CTNNA3: variants seen among roughly 807,000 people sequenced by gnomAD.
The protein encoded by CTNNA3 is catenin alpha 3.
A neutral mutation model predicts 95.7 loss-of-function variants in CTNNA3; 76 were observed. The observed-to-expected ratio is 0.79, with a 90% CI of 0.66 to 0.96. The LOEUF is 0.96. Ranked by LOEUF, CTNNA3 falls within the 40% of genes least tolerant of loss-of-function variation. The pLI, the probability that CTNNA3 is intolerant of heterozygous loss-of-function variation, is 0.00. For synonymous variants in CTNNA3, 431 were observed against 374.4 expected (o/e 1.15, Z -1.74); for missense variants, 1,191 against 1,089.8 (o/e 1.09, Z -1.31).
chr10:67,620,941 A>G (rs1312156150), intron 2 of CTNNA3, among the ~76,000 whole-genome samples: 1 of 147,740 alleles, frequency 6.8e-6, no homozygotes. Context: ...ATATATATAT[A>G]TATATATATA....
At chr10:67,667,327 A>AGT (rs1840349484) in intron 1 of CTNNA3, among the ~76,000 whole-genome samples, 1 of 152,190 alleles carries the variant, frequency 6.6e-6, no homozygotes, top group African/African-American at 2.4e-5. Context: ...TTCTAAAAAT[A>AGT]AAAATTTTAC....
At chr10:65,929,882 T>C (rs1462915501) in intron 17 of CTNNA3, among the ~76,000 whole-genome samples, 2 of 152,080 alleles carry the variant, frequency 1.3e-5, no homozygotes, top group Non-Finnish European at 2.9e-5. Context: ...ATAGCTTTTA[T>C]AAGTTTATAA....
At chr10:66,028,729 A>T (rs1164726324) in intron 15 of CTNNA3, among the ~76,000 whole-genome samples, 1 of 152,136 alleles carries the variant, frequency 6.6e-6, no homozygotes, top group African/African-American at 2.4e-5. Flanking sequence ...GTGTACTCTA[A>T]AACTTAAAGT....
chr10:67,132,899 T>C (rs1331355720), intron 7 of CTNNA3, among the ~76,000 whole-genome samples: 1 of 151,916 alleles, frequency 6.6e-6, no homozygotes, highest in Non-Finnish European at 1.5e-5. Flanking sequence ...GGACCATAGA[T>C]ACCAGAGACT....
chr10:67,234,460 A>G (rs1865361739), intron 5 of CTNNA3, among the ~76,000 whole-genome samples: 1 of 152,226 alleles, frequency 6.6e-6, no homozygotes, highest in South Asian at 2.1e-4. Flanking sequence ...ACAAAATTCA[A>G]CAACCTTCAT....
At chr10:66,849,024 T>G (rs1333119572) in intron 7 of CTNNA3, among the ~76,000 whole-genome samples, 3 of 152,212 alleles carry the variant, frequency 2.0e-5, no homozygotes, top group Admixed American at 2.0e-4. Context: ...ATCCCCAGAT[T>G]CCAGATGGAT....
chr10:67,428,383 A>G (rs969036488), intron 5 of CTNNA3, among the ~76,000 whole-genome samples: 1 of 152,052 alleles, frequency 6.6e-6, no homozygotes, highest in African/African-American at 2.4e-5. Flanking sequence ...AAATGAACAA[A>G]TCATTTTAAA....
intron 13 of CTNNA3, among the ~76,000 whole-genome samples, chr10:66,161,209 C>T (rs995666594): frequency 1.3e-5 from 2 of 152,006 alleles, no homozygotes; most frequent in African/African-American, 4.8e-5. Context: ...GGTACCTTTG[C>T]ATTCATCATG....
chr10:66,917,604 A>C (rs942493888), intron 7 of CTNNA3, among the ~76,000 whole-genome samples: 3 of 152,202 alleles, frequency 2.0e-5, no homozygotes, highest in East Asian at 3.8e-4. Context: ...AACCTATGGC[A>C]TAGCTGTTTC....
intron 12 of CTNNA3, among the ~76,000 whole-genome samples, chr10:66,353,426 T>C (rs1211242919): frequency 6.6e-6 from 1 of 152,120 alleles, no homozygotes; most frequent in East Asian, 1.9e-4. Context: ...CAGCTCACTG[T>C]GTTGAGGCAG....
intron 14 of CTNNA3, among the ~76,000 whole-genome samples, chr10:66,073,056 T>C (rs1389926107): frequency 6.6e-6 from 1 of 151,930 alleles, no homozygotes; most frequent in East Asian, 1.9e-4. Context: ...ACCTCACTCA[T>C]ATGCAGAATC....
At chr10:67,082,490 T>C (rs1857102525) in intron 7 of CTNNA3, among the ~76,000 whole-genome samples, 1 of 152,124 alleles carries the variant, frequency 6.6e-6, no homozygotes, top group East Asian at 1.9e-4. Context: ...GGGCTATACT[T>C]AAGGCCATAA....
At chr10:67,523,929 T>A (rs1002558634) in intron 4 of CTNNA3, among the ~76,000 whole-genome samples, 5 of 152,248 alleles carry the variant, frequency 3.3e-5, no homozygotes, top group Non-Finnish European at 7.3e-5. Context: ...ATCTATGATT[T>A]AATTAATACA....
chr10:66,809,851 C>T (rs1381216344), intron 7 of CTNNA3, among the ~76,000 whole-genome samples: 1 of 147,830 alleles, frequency 6.8e-6, no homozygotes, highest in Non-Finnish European at 1.5e-5. Flanking sequence ...GTCCTCCAGG[C>T]TGGAGTACAA....
At chr10:66,299,704 A>C (rs1337434675) in intron 12 of CTNNA3, among the ~76,000 whole-genome samples, 1 of 152,182 alleles carries the variant, frequency 6.6e-6, no homozygotes, top group Non-Finnish European at 1.5e-5. Context: ...AACTACACAG[A>C]ATGAAACACA....
chr10:66,011,571 G>C (rs1309031460), intron 15 of CTNNA3, among the ~76,000 whole-genome samples: 12 of 152,112 alleles, frequency 7.9e-5, no homozygotes, highest in Non-Finnish European at 2.9e-5. Flanking sequence ...GAATGGCAGA[G>C]ATTATTAGCC....
At chr10:65,940,503 C>T (rs1440125946) in intron 17 of CTNNA3, among the ~76,000 whole-genome samples, 1 of 152,150 alleles carries the variant, frequency 6.6e-6, no homozygotes, top group Non-Finnish European at 1.5e-5. Flanking sequence ...CATATACTGA[C>T]TCTTTCATAT....
chr10:66,415,867 G>A (rs1197212069), intron 11 of CTNNA3, among the ~76,000 whole-genome samples: 1 of 152,024 alleles, frequency 6.6e-6, no homozygotes, highest in Admixed American at 6.6e-5. Context: ...AAAGCAAATT[G>A]AAAAAGTTAG....
intron 14 of CTNNA3, among the ~76,000 whole-genome samples, chr10:66,092,178 ACAAT>A (rs2081237776): frequency 6.6e-6 from 1 of 151,812 alleles, no homozygotes; most frequent in African/African-American, 2.4e-5. Flanking sequence ...CCATATATAC[ACAAT>A]CAACAACGTT....
Sources: gnomAD v4.1 joint callset for allele counts (sites outside exome capture counted in the v4.1 genomes callset) on GRCh38, gnomAD v4.1.1 for gene constraint, MANE v1.5 for transcripts, NCBI Gene and HGNC (gene_info 2026-07-23, HGNC 2026-07-21) for gene names.